Variants in RALGAPA1 observed in about 807,000 individuals in gnomAD.
RALGAPA1 encodes the protein Ral GTPase activating protein catalytic subunit alpha 1.
Under a neutral mutation model 269.6 loss-of-function variants are expected in RALGAPA1, and 52 were observed. The observed-to-expected ratio is 0.19, with a 90% CI of 0.15 to 0.24. RALGAPA1 has a LOEUF of 0.24. RALGAPA1 is among the 10% of genes least tolerant of loss of function. The pLI is 1.00. For synonymous variants in RALGAPA1, 817 were observed against 1,008.3 expected (o/e 0.81, Z 3.60); for missense variants, 1,917 against 3,013.9 (o/e 0.64, Z 8.52).
At chr14:35,726,304 C>A (rs1379583245) in intron 13 of RALGAPA1, among the ~76,000 whole-genome samples, 1 of 152,158 alleles carries the variant, frequency 6.6e-6, no homozygotes, top group African/African-American at 2.4e-5. Flanking sequence ...ATCAAAGGTG[C>A]CACATTTGTA....
intron 27 of RALGAPA1, among the ~76,000 whole-genome samples, chr14:35,660,062 C>T (rs1364097455): frequency 6.6e-6 from 1 of 151,936 alleles, no homozygotes; most frequent in Non-Finnish European, 1.5e-5. Flanking sequence ...CCATAGATAA[C>T]ATCATAATCA....
intron 36 of RALGAPA1, among the ~76,000 whole-genome samples, chr14:35,596,874 A>T (rs904625175): frequency 6.6e-6 from 1 of 152,178 alleles, no homozygotes; most frequent in Non-Finnish European, 1.5e-5. Flanking sequence ...ATATGTTTGT[A>T]TGCACACATC....
chr14:35,541,327 G>A (rs2053975184), intron 41 of RALGAPA1, among the ~76,000 whole-genome samples: 2 of 152,014 alleles, frequency 1.3e-5, no homozygotes, highest in African/African-American at 4.8e-5. Context: ...TTGCAGGCGT[G>A]AGCCACCGCA....
At chr14:35,628,181 C>A (rs1050423570) in intron 33 of RALGAPA1, among the ~76,000 whole-genome samples, 2 of 151,988 alleles carry the variant, frequency 1.3e-5, no homozygotes, top group Admixed American at 1.3e-4. Context: ...TAATTTAAAC[C>A]AAGGCCTTTA....
chr14:35,764,122 G>C (rs553027196), intron 4 of RALGAPA1, among the ~76,000 whole-genome samples: 2 of 146,656 alleles, frequency 1.4e-5, no homozygotes, highest in East Asian at 4.0e-4. Context: ...ATGGGGTCTT[G>C]TTCTGTTGTT....
intron 10 of RALGAPA1, among the ~76,000 whole-genome samples, chr14:35,745,686 C>G (rs533800546): frequency 6.7e-6 from 1 of 149,882 alleles, no homozygotes; most frequent in South Asian, 2.1e-4. Context: ...ACTACTTGAA[C>G]CCGGGAGGCA....
chr14:35,698,463 T>TA (rs2067070864), intron 17 of RALGAPA1, among the ~76,000 whole-genome samples: 1 of 152,144 alleles, frequency 6.6e-6, no homozygotes, highest in South Asian at 2.1e-4. Context: ...GAGAAAAAAA[T>TA]AAATCTTTCT....
chr14:35,808,608 C>T (rs2077543039), intron 1 of RALGAPA1, 122 bp downstream of exon 1: 1 of 1,031,048 alleles, frequency 9.7e-7, no homozygotes, highest in Admixed American at 2.7e-5. Flanking sequence ...CGCGTCTCCG[C>T]AGAGGCTACG....
intron 33 of RALGAPA1, among the ~76,000 whole-genome samples, chr14:35,628,321 G>A (rs906482018): frequency 2.0e-5 from 3 of 152,030 alleles, no homozygotes; most frequent in Non-Finnish European, 2.9e-5. Flanking sequence ...AGGCTGAGGC[G>A]GGAGGATTGC....
At position 35,635,719 on chromosome 14, in the gene RALGAPA1, C is replaced by T. The variant is rs960952454; in HGVS notation, c.5677-121G>A. 4 of 789,932 alleles carry T rather than the reference C, an allele frequency of 5.1e-6. No individual in the cohort carries two copies. The African/African-American group carries it at 5.4e-5, about 11-fold the overall frequency. 48.9% of individuals were successfully genotyped at this position (789,932 alleles called of 1,614,324 possible). A position where few individuals can be genotyped will look rare whatever the true frequency, so the allele number is the denominator to read the frequency against. On this transcript the variant is annotated intron_variant, in intron 31 of 41. Coordinates refer to ENST00000680220, the MANE Select transcript of RALGAPA1 (RefSeq NM_001346249.2). ...CTGGAATCATCAACCCTAAGTTCCACTATTAATATTTACCCAGATCTAACT... is the reference window on the plus strand; with the variant it reads ...CTGGAATCATCAACCCTAAGTTCCATTATTAATATTTACCCAGATCTAACT...
chr14:35,792,989 C>T (rs746662608), intron 1 of RALGAPA1, among the ~76,000 whole-genome samples: 6 of 150,792 alleles, frequency 4.0e-5, no homozygotes, highest in Non-Finnish European at 5.9e-5. Context: ...TGGTAAGAAC[C>T]GAGAAAAAAG....
chr14:35,560,686 CCATATACTGAAGT>C (rs1272822193), intron 39 of RALGAPA1, among the ~76,000 whole-genome samples: 39 of 152,172 alleles, frequency 2.6e-4, no homozygotes, highest in Admixed American at 6.5e-4. Flanking sequence ...TGGAAGTTGG[CCATATACTGAAGT>C]CATTTTTGTG....
chr14:35,770,955 C>T lies in RALGAPA1; in HGVS notation c.312G>A (p.Gln104=). Residue 104 remains glutamine (Q), a synonymous_variant, in exon 4 of 42, where the codon CAG becomes CAA. Coordinates refer to ENST00000680220, the MANE Select transcript of RALGAPA1 (RefSeq NM_001346249.2). The part of the protein sequence containing the change: ...LLPERIHQRW[Q]FHSIGLILKK... Reference sequence around the variant, plus strand: ...TGAATTACTTACCAATACTATGAAACTGCCATCGCTGATGAATTCTTTCTG... The same window carrying T: ...TGAATTACTTACCAATACTATGAAATTGCCATCGCTGATGAATTCTTTCTG... 1 of 1,365,114 alleles carries T rather than the reference C, an allele frequency of 7.3e-7. No homozygotes were observed. The highest frequency in any genetic ancestry group is 1.3e-5 in the South Asian group (1 of 74,210). 84.6% of individuals were successfully genotyped at this position (1,365,114 alleles called of 1,614,324 possible).
chr14:35,618,522 A>G (rs2060400034), intron 35 of RALGAPA1, among the ~76,000 whole-genome samples: 1 of 152,146 alleles, frequency 6.6e-6, no homozygotes. Flanking sequence ...TAATGATGAA[A>G]CAGAAGAGTT....
chr14:35,710,930 T>C (rs1363600445), intron 16 of RALGAPA1, among the ~76,000 whole-genome samples: 1 of 152,232 alleles, frequency 6.6e-6, no homozygotes, highest in African/African-American at 2.4e-5. Flanking sequence ...CTATGTCACC[T>C]AGGTTTCTGT....
At chr14:35,710,965 C>T (rs115821466) in intron 16 of RALGAPA1, among the ~76,000 whole-genome samples, 30 of 152,322 alleles carry the variant, frequency 2.0e-4, no homozygotes, top group African/African-American at 7.2e-4. Context: ...TGTTCGCACA[C>T]TGAAGAAATC....
chr14:35,663,332 A>C (rs921656355), intron 27 of RALGAPA1, among the ~76,000 whole-genome samples: 3 of 152,148 alleles, frequency 2.0e-5, no homozygotes, highest in Non-Finnish European at 4.4e-5. Flanking sequence ...AATAAACGTA[A>C]CAAAGAGATA....
intron 36 of RALGAPA1, among the ~76,000 whole-genome samples, chr14:35,597,477 TCA>T (rs1477966911): frequency 6.6e-6 from 1 of 152,124 alleles, no homozygotes. Context: ...TGTAAACACT[TCA>T]CATTTGCTGA....
chr14:35,625,150 CAA>C (rs35013388), intron 35 of RALGAPA1, among the ~76,000 whole-genome samples: 472 of 59,902 alleles, frequency 7.9e-3, no homozygotes, highest in African/African-American at 0.012. Flanking sequence ...GACTCTGTCT[CAA>C]AAAAAAAAAA....
Sources: gnomAD v4.1 joint callset for allele counts (sites outside exome capture counted in the v4.1 genomes callset) on GRCh38, gnomAD v4.1.1 for gene constraint, MANE v1.5 for transcripts, NCBI Gene and HGNC (gene_info 2026-07-23, HGNC 2026-07-21) for gene names.